VOPP1: variants seen among roughly 807,000 people sequenced by gnomAD.
VOPP1 encodes the protein VOPP1 WW domain binding protein.
VOPP1 carries 8 observed loss-of-function variants against 23.5 expected under a neutral mutation model. The observed-to-expected ratio is 0.34, with a 90% CI of 0.20 to 0.61. The LOEUF (loss-of-function observed/expected upper bound fraction) is 0.61. Ranked by LOEUF, VOPP1 falls within the 20% of genes least tolerant of loss-of-function variation. VOPP1 has a pLI of 0.78. For synonymous variants in VOPP1, 83 were observed against 97.3 expected (o/e 0.85, Z 0.86); for missense variants, 174 against 238.1 (o/e 0.73, Z 1.77).
intron 4 of VOPP1, among the ~76,000 whole-genome samples, chr7:55,460,300 G>C (rs947497097): frequency 1.3e-5 from 2 of 152,184 alleles, no homozygotes; most frequent in Non-Finnish European, 2.9e-5. Flanking sequence ...CTATCCTGGA[G>C]AATGTTCCAT....
At chr7:55,440,575 C>A (rs62457876) in intron 4 of VOPP1, among the ~76,000 whole-genome samples, 8,631 of 152,332 alleles carry the variant, frequency 0.057, 317 homozygotes, top group Middle Eastern at 0.095. Flanking sequence ...CCCACCACCT[C>A]ACTGTTCAGC....
At chr7:55,552,552 C>G (rs1301154686) in intron 1 of VOPP1, 2 of 1,522,948 alleles carry the variant, frequency 1.3e-6, no homozygotes, top group Non-Finnish European at 1.8e-6. Flanking sequence ...ATGATTTTCC[C>G]AGGGTGACAA....
rs887769105 is a variant in VOPP1, at chr7:55,445,236, C to T, written n.418-9062G>A. 2.1e-4 allele frequency among the ~76,000 whole-genome samples: 29 copies of T among 136,910 alleles called. No homozygotes were observed. In the East Asian group the frequency reaches 5.8e-3, roughly 27 times the overall value. The allele number at this position is 136,910 out of a possible 152,430, so 89.8% of individuals were successfully genotyped here. On this transcript the variant is annotated intron_variant and non_coding_transcript_variant, in intron 4 of 4. Coordinates refer to the VOPP1 transcript ENST00000462326. ...ACACAGACACACACACACAGACACA[C>T]ACACACAGACACACACACACACACA...
At chr7:55,473,319 G>T (rs1051193355) in intron 4 of VOPP1, among the ~76,000 whole-genome samples, 1 of 152,224 alleles carries the variant, frequency 6.6e-6, no homozygotes, top group Non-Finnish European at 1.5e-5. Flanking sequence ...ACAGTAAGGT[G>T]AGGCTGTCTG....
intron 4 of VOPP1, among the ~76,000 whole-genome samples, chr7:55,453,858 A>G (rs1434732865): frequency 6.6e-6 from 1 of 152,226 alleles, no homozygotes; most frequent in Non-Finnish European, 1.5e-5. Flanking sequence ...CAATAAAGCG[A>G]AGTACAATAA....
intron 1 of VOPP1, among the ~76,000 whole-genome samples, chr7:55,563,796 G>C (rs752229993): frequency 1.3e-5 from 2 of 152,154 alleles, no homozygotes; most frequent in African/African-American, 4.8e-5. Context: ...GCAACACTTA[G>C]GATTTTTGAT....
At chr7:55,511,076 C>G (rs757685075) in intron 2 of VOPP1, among the ~76,000 whole-genome samples, 1 of 152,214 alleles carries the variant, frequency 6.6e-6, no homozygotes, top group Non-Finnish European at 1.5e-5. Context: ...GTCCAGGTAT[C>G]CACCTTGGTT....
Position 55,497,595 on chromosome 7 carries a change from G to A in VOPP1, c.191+18C>T, listed in dbSNP as rs1171860788. ...GCAGAGCTCTCGGGGTAGGGAACAAGGAGGAGTTGTGACCTACCAGAAGTA... is the reference window on the plus strand; with the variant it reads ...GCAGAGCTCTCGGGGTAGGGAACAAAGAGGAGTTGTGACCTACCAGAAGTA... On this transcript the variant is annotated intron_variant, in intron 3 of 4. Coordinates refer to ENST00000285279, the MANE Select transcript of VOPP1 (RefSeq NM_030796.5). The A allele has an allele frequency of 6.5e-7, 1 of 1,541,952 alleles. No homozygotes were observed. The highest frequency in any genetic ancestry group is 2.3e-5 in the East Asian group (1 of 44,070).
At chr7:55,546,736 G>C (rs117697229) in intron 1 of VOPP1, among the ~76,000 whole-genome samples, 1,672 of 152,202 alleles carry the variant, frequency 0.011, 11 homozygotes, top group Middle Eastern at 0.02. Context: ...ATACCACCAC[G>C]ACCACCACCA....
intron 1 of VOPP1, among the ~76,000 whole-genome samples, chr7:55,547,883 C>A (rs1797436379): frequency 6.6e-6 from 1 of 152,178 alleles, no homozygotes; most frequent in African/African-American, 2.4e-5. Context: ...CCTGAGCCTG[C>A]AGGCATGTGC....
intron 4 of VOPP1, among the ~76,000 whole-genome samples, chr7:55,454,539 A>G (rs815939): frequency 1 from 152,076 of 152,268 alleles, 75,942 homozygotes; most frequent in Middle Eastern, 1. Flanking sequence ...ACATCAATGC[A>G]AAAATTCTTA....
chr7:55,536,616 A>T (rs1001322612), intron 1 of VOPP1, among the ~76,000 whole-genome samples: 20 of 152,158 alleles, frequency 1.3e-4, no homozygotes, highest in African/African-American at 4.8e-4. Context: ...AGAGAACTTC[A>T]TTGTGTCTCT....
At chr7:55,510,651 T>C (rs1795015374) in intron 2 of VOPP1, among the ~76,000 whole-genome samples, 1 of 151,352 alleles carries the variant, frequency 6.6e-6, no homozygotes, top group Admixed American at 6.6e-5. Context: ...TGGAGGCCTG[T>C]GTTGGTGAGA....
At chr7:55,560,478 A>C (rs575762286) in intron 1 of VOPP1, among the ~76,000 whole-genome samples, 70 of 152,278 alleles carry the variant, frequency 4.6e-4, no homozygotes, top group Middle Eastern at 3.4e-3. Context: ...CTGGCTTTGA[A>C]GGGGAGGAAG....
intron 4 of VOPP1, among the ~76,000 whole-genome samples, chr7:55,489,063 G>A (rs1793364079): frequency 6.6e-6 from 1 of 152,236 alleles, no homozygotes; most frequent in Non-Finnish European, 1.5e-5. Flanking sequence ...GGAGGCAGGT[G>A]TCCAGACCAA....
chr7:55,485,521 C>T (rs1793068632), intron 4 of VOPP1, among the ~76,000 whole-genome samples: 1 of 152,224 alleles, frequency 6.6e-6, no homozygotes, highest in Non-Finnish European at 1.5e-5. Context: ...CAAATTCAGC[C>T]TTTCACTTTG....
Position 55,523,374 on chromosome 7 carries a change from C to A in VOPP1, c.55-2244G>T, listed in dbSNP as rs544488936. On this transcript the variant is annotated intron_variant, in intron 1 of 4. Transcript: ENST00000285279. ...ATAAATATGTACAATTATTACATAC[C>A]AATACATTTTTTTTTCCAAAAAAAA... 2.0e-5 allele frequency among the ~76,000 whole-genome samples: 3 copies of A among 151,912 alleles called. No individual in the cohort carries two copies. The East Asian group carries it at 5.8e-4, about 29-fold the overall frequency.
chr7:55,566,056 G>T (rs1798153973), intron 1 of VOPP1, among the ~76,000 whole-genome samples: 1 of 152,154 alleles, frequency 6.6e-6, no homozygotes, highest in Admixed American at 6.5e-5. Flanking sequence ...CCTCACAAAG[G>T]TGCAGCAGCT....
At chr7:55,481,726 G>A (rs1468716629) in intron 4 of VOPP1, among the ~76,000 whole-genome samples, 5 of 152,180 alleles carry the variant, frequency 3.3e-5, no homozygotes, top group Non-Finnish European at 7.3e-5. Flanking sequence ...CTGCCCCTCA[G>A]TGAGTGCTGA....
Sources: gnomAD v4.1 joint callset for allele counts (sites outside exome capture counted in the v4.1 genomes callset) on GRCh38, gnomAD v4.1.1 for gene constraint, MANE v1.5 for transcripts, NCBI Gene and HGNC (gene_info 2026-07-23, HGNC 2026-07-21) for gene names.